The following G3BP2 variants were observed in gnomAD, a reference collection of about 807,000 sequenced individuals.
G3BP2 encodes ras GTPase-activating protein-binding protein 2.
Under a neutral mutation model 56.7 loss-of-function variants are expected in G3BP2, and 11 were observed. That is an observed-to-expected ratio of 0.19 (90% CI 0.12 to 0.32). G3BP2 has a LOEUF of 0.32. G3BP2 is among the 10% of genes least tolerant of loss of function. The pLI, the probability that G3BP2 is intolerant of heterozygous loss-of-function variation, is 1.00. For missense variants in G3BP2, 340 were observed against 610.9 expected, an observed-to-expected ratio of 0.56 and a Z score of 4.67; for synonymous variants, 165 against 191.6, an observed-to-expected ratio of 0.86 and a Z score of 1.15.
chr4:75,666,099 A>C (rs573016588), intron 1 of G3BP2, among the ~76,000 whole-genome samples: 2 of 152,190 alleles, frequency 1.3e-5, no homozygotes, highest in Non-Finnish European at 2.9e-5. Context: ...TACATATATA[A>C]TATCACAGGT....
chr4:75,698,704 T>C (rs1286244346), intron 3 of G3BP2, among the ~76,000 whole-genome samples: 1 of 152,016 alleles, frequency 6.6e-6, no homozygotes, highest in African/African-American at 2.4e-5. Context: ...CAACCAGAAC[T>C]TCCTTTTTTG....
chr4:75,716,664 C>T lies in G3BP2; in HGVS notation c.-25+4213G>A, dbSNP rs181571294. Among the ~76,000 whole-genome samples, 39 of 152,228 alleles carry T rather than the reference C, an allele frequency of 2.6e-4. No homozygotes were observed. In the East Asian group the frequency reaches 7.3e-3, roughly 29 times the overall value. ...CCGAATAGCTGGGATTACAGGCATG[C>T]ACCACCATGCCCAGCTAATTTTGTA... On this transcript the variant is annotated intron_variant, in intron 3 of 3. Transcript: ENST00000499709.
chr4:75,684,922 A>T (rs1718520873), intron 3 of G3BP2, among the ~76,000 whole-genome samples: 3 of 152,162 alleles, frequency 2.0e-5, no homozygotes, highest in African/African-American at 7.2e-5. Flanking sequence ...AGTTATCAAA[A>T]TAAAGGCTTT....
intron 11 of G3BP2, 78 bp downstream of exon 11, chr4:75,646,260 T>C: frequency 2.8e-6 from 2 of 706,538 alleles, no homozygotes; most frequent in Non-Finnish European, 5.0e-6. Context: ...AAAGATTTTC[T>C]ATGGTTTTTA....
chr4:75,664,849 AAAAC>A (rs1732874578), intron 1 of G3BP2, among the ~76,000 whole-genome samples: 1 of 152,028 alleles, frequency 6.6e-6, no homozygotes, highest in South Asian at 2.1e-4. Flanking sequence ...ACTCTGTCTC[AAAAC>A]AAACAGACAA....
chr4:75,668,177 T>C (rs752239676), intron 1 of G3BP2, among the ~76,000 whole-genome samples: 19 of 152,158 alleles, frequency 1.2e-4, no homozygotes, highest in East Asian at 3.8e-4. Flanking sequence ...GAGTGGAGCA[T>C]TGGTAGACAT....
At chr4:75,670,746 G>T (rs891446739) in intron 1 of G3BP2, among the ~76,000 whole-genome samples, 2 of 150,164 alleles carry the variant, frequency 1.3e-5, no homozygotes, top group Admixed American at 1.3e-4. Context: ...GGTGTTTGGG[G>T]TTCCTCAGTT....
At chr4:75,669,853 G>T (rs1733345276) in intron 1 of G3BP2, among the ~76,000 whole-genome samples, 1 of 152,170 alleles carries the variant, frequency 6.6e-6, no homozygotes, top group South Asian at 2.1e-4. Flanking sequence ...AGCACTTCGG[G>T]AGGCCGAGAT....
chr4:75,661,891 A>T (rs1732599918), intron 2 of G3BP2, 40 bp downstream of exon 2: 1 of 1,034,946 alleles, frequency 9.7e-7, no homozygotes. Flanking sequence ...CCCAAGAAAA[A>T]AAGTAGATAA....
At chr4:75,668,785 T>G (rs1464050717) in intron 1 of G3BP2, among the ~76,000 whole-genome samples, 1 of 152,200 alleles carries the variant, frequency 6.6e-6, no homozygotes, top group Admixed American at 6.5e-5. Context: ...GCAGAAATCC[T>G]GTCCCCTTGA....
intron 8 of G3BP2, among the ~76,000 whole-genome samples, chr4:75,651,222 G>A (rs1197516100): frequency 6.6e-6 from 1 of 152,010 alleles, no homozygotes; most frequent in East Asian, 1.9e-4. Flanking sequence ...GTGTATTACT[G>A]GCAATTAATA....
At chr4:75,655,728 T>C (rs770804494) in intron 6 of G3BP2, 40 bp downstream of exon 6, 35 of 1,031,324 alleles carry the variant, frequency 3.4e-5, no homozygotes, top group East Asian at 4.7e-5. Context: ...CTTGCTGACA[T>C]AGTTCAGACC....
intron 3 of G3BP2, among the ~76,000 whole-genome samples, chr4:75,719,667 T>G (rs1720070327): frequency 6.6e-6 from 1 of 152,064 alleles, no homozygotes; most frequent in Non-Finnish European, 1.5e-5. Context: ...CCTGGCTCAC[T>G]GCAACCTCCG....
At chr4:75,673,613 C>T (rs565125855), upstream of G3BP2, 125 of 1,231,408 alleles carry the variant, frequency 1.0e-4, no homozygotes, top group Admixed American at 2.6e-3. Flanking sequence ...CGGAACCGGC[C>T]TAAAGCCAAG....
intron 3 of G3BP2, among the ~76,000 whole-genome samples, chr4:75,686,258 A>C (rs1718594118): frequency 6.6e-6 from 1 of 152,236 alleles, no homozygotes; most frequent in South Asian, 2.1e-4. Flanking sequence ...AAAGATGGTC[A>C]TGTAGTTAAT....
intron 1 of G3BP2, among the ~76,000 whole-genome samples, chr4:75,672,177 T>C (rs1173539603): frequency 1.3e-5 from 2 of 152,150 alleles, no homozygotes; most frequent in African/African-American, 2.4e-5. Context: ...TTGTTGTTGT[T>C]ATGAAGGAAA....
intron 3 of G3BP2, among the ~76,000 whole-genome samples, chr4:75,678,561 T>C (rs1466252160): frequency 1.3e-5 from 2 of 152,164 alleles, no homozygotes; most frequent in African/African-American, 2.4e-5. Context: ...ATGCTTGTTG[T>C]CCCCACTACT....
At chr4:75,676,427 C>A (rs185746169), upstream of G3BP2, among the ~76,000 whole-genome samples, 548 of 149,594 alleles carry the variant, frequency 3.7e-3, 2 homozygotes, top group Middle Eastern at 6.9e-3. Flanking sequence ...ACTGCAACCT[C>A]CACCTCCCAG....
intron 5 of G3BP2, among the ~76,000 whole-genome samples, chr4:75,656,131 T>C (rs1452101605): frequency 6.6e-6 from 1 of 151,684 alleles, no homozygotes; most frequent in Non-Finnish European, 1.5e-5. Context: ...GCTGGGGTTA[T>C]AGGTATGCAC....
Sources: allele counts gnomAD v4.1 joint callset (sites outside exome capture counted in the v4.1 genomes callset), GRCh38; gene constraint gnomAD v4.1.1; transcripts MANE v1.5; gene names NCBI Gene and HGNC (gene_info 2026-07-23, HGNC 2026-07-21).